The following PRKCE variants were observed in gnomAD, a reference collection of about 807,000 sequenced individuals.
PRKCE encodes protein kinase C epsilon type.
A neutral mutation model predicts 85.4 loss-of-function variants in PRKCE; 16 were observed. The observed-to-expected ratio is 0.19, with a 90% CI of 0.13 to 0.28. The LOEUF is 0.28. PRKCE is among the 10% of genes least tolerant of loss of function. The pLI is 1.00. For synonymous variants in PRKCE, 388 were observed against 371.5 expected (o/e 1.04, Z -0.51); for missense variants, 573 against 975.2 (o/e 0.59, Z 5.49).
chr2:45,896,285 C>T (rs769883550), intron 2 of PRKCE, among the ~76,000 whole-genome samples: 14 of 152,188 alleles, frequency 9.2e-5, no homozygotes, highest in South Asian at 4.1e-4. Flanking sequence ...AGTCTGGCCT[C>T]GAACTCTGGA....
intron 11 of PRKCE, among the ~76,000 whole-genome samples, chr2:46,131,868 G>A (rs890654750): frequency 1.3e-5 from 2 of 152,150 alleles, no homozygotes; most frequent in African/African-American, 4.8e-5. Flanking sequence ...CAGGTTTGAG[G>A]TTTACAGTTA....
At chr2:46,069,988 C>G (rs1406304400) in intron 10 of PRKCE, among the ~76,000 whole-genome samples, 1 of 152,216 alleles carries the variant, frequency 6.6e-6, no homozygotes, top group Non-Finnish European at 1.5e-5. Flanking sequence ...ATGGTGTTCA[C>G]TTCTGCTGTT....
intron 10 of PRKCE, among the ~76,000 whole-genome samples, chr2:46,014,850 G>T (rs2104828143): frequency 6.6e-6 from 1 of 152,340 alleles, no homozygotes; most frequent in Non-Finnish European, 1.5e-5. Flanking sequence ...GTAAAGACAT[G>T]GCTGCTGAAA....
At chr2:45,970,767 A>C (rs926693965) in intron 2 of PRKCE, among the ~76,000 whole-genome samples, 5 of 151,926 alleles carry the variant, frequency 3.3e-5, no homozygotes, top group African/African-American at 1.2e-4. Flanking sequence ...TGTTCTTAGG[A>C]GATAAAGACT....
intron 1 of PRKCE, among the ~76,000 whole-genome samples, chr2:45,726,725 T>C (rs987682169): frequency 2.0e-5 from 3 of 152,184 alleles, no homozygotes; most frequent in African/African-American, 7.2e-5. Context: ...TTCTAAAAAA[T>C]ATTGCTGATT....
At chr2:46,069,806 A>G (rs1667920670) in intron 10 of PRKCE, among the ~76,000 whole-genome samples, 1 of 152,240 alleles carries the variant, frequency 6.6e-6, no homozygotes, top group African/African-American at 2.4e-5. Context: ...AGATGTTAGG[A>G]TTGCTATTCC....
intron 10 of PRKCE, among the ~76,000 whole-genome samples, chr2:46,032,010 G>C (rs1163393251): frequency 6.6e-6 from 1 of 152,124 alleles, no homozygotes; most frequent in East Asian, 1.9e-4. Flanking sequence ...TAAACTTCCA[G>C]CAAATATTAA....
intron 1 of PRKCE, among the ~76,000 whole-genome samples, chr2:45,799,524 A>G (rs931962142): frequency 7.2e-5 from 11 of 152,336 alleles, no homozygotes; most frequent in African/African-American, 2.4e-4. Flanking sequence ...GTGAATAACC[A>G]CTGCACTCTA....
At chr2:45,770,367 C>T (rs1274292197) in intron 1 of PRKCE, among the ~76,000 whole-genome samples, 1 of 152,212 alleles carries the variant, frequency 6.6e-6, no homozygotes, top group Non-Finnish European at 1.5e-5. Flanking sequence ...TGTCACTCTT[C>T]TGTTTCAAAA....
At chr2:46,023,259 C>T (rs1182013317) in intron 10 of PRKCE, among the ~76,000 whole-genome samples, 1 of 152,076 alleles carries the variant, frequency 6.6e-6, no homozygotes, top group African/African-American at 2.4e-5. Flanking sequence ...AGGTTTGACC[C>T]CTGGCACACT....
chr2:46,101,458 T>A (rs530228877), intron 11 of PRKCE, among the ~76,000 whole-genome samples: 1 of 152,170 alleles, frequency 6.6e-6, no homozygotes, highest in Non-Finnish European at 1.5e-5. Flanking sequence ...GGGAATAGCA[T>A]GTGCAAAGGC....
rs1177237882 is a variant in PRKCE, at chr2:46,184,685, T to C, written c.2068-50T>C. The C allele has an allele frequency of 6.3e-7, 1 of 1,585,664 alleles. No homozygotes were observed. Among genetic ancestry groups the C allele is most frequent in the Non-Finnish European group, 8.5e-7 (1 of 1,173,200 alleles). On this transcript the variant is annotated intron_variant, in intron 14 of 14. Coordinates refer to ENST00000306156, the MANE Select transcript of PRKCE (RefSeq NM_005400.3). The surrounding 1 kb of genome is among the most constrained non-coding windows in gnomAD (Gnocchi z 5.0). Reference sequence around the variant, plus strand: ...GGTGCCCACTCCCCATGGGGGGCCCTCAGGAGGGAGAGCAGCCTCAACTCA... The same window carrying C: ...GGTGCCCACTCCCCATGGGGGGCCCCCAGGAGGGAGAGCAGCCTCAACTCA...
At chr2:45,769,410 C>T (rs2104897439) in intron 1 of PRKCE, among the ~76,000 whole-genome samples, 2 of 152,144 alleles carry the variant, frequency 1.3e-5, no homozygotes, top group East Asian at 3.9e-4. Flanking sequence ...TGTGTATGTA[C>T]ATATCTGCAT....
At chr2:45,724,453 C>T (rs1345957566) in intron 1 of PRKCE, among the ~76,000 whole-genome samples, 1 of 152,166 alleles carries the variant, frequency 6.6e-6, no homozygotes, top group Non-Finnish European at 1.5e-5. Flanking sequence ...AATAACCCTA[C>T]AATGACCTCT....
intron 1 of PRKCE, among the ~76,000 whole-genome samples, chr2:45,732,924 C>G (rs887441221): frequency 1.3e-5 from 2 of 152,142 alleles, no homozygotes; most frequent in Non-Finnish European, 2.9e-5. Flanking sequence ...TGTCCTAGAT[C>G]AAGGGTCGAC....
At chr2:46,174,751 T>A (rs1352005936) in intron 14 of PRKCE, among the ~76,000 whole-genome samples, 1 of 152,176 alleles carries the variant, frequency 6.6e-6, no homozygotes, top group Non-Finnish European at 1.5e-5. Context: ...GGCAGTGATA[T>A]GATCTTGGCT....
chr2:46,006,321 T>C (rs1327222600), intron 8 of PRKCE, among the ~76,000 whole-genome samples: 1 of 152,244 alleles, frequency 6.6e-6, no homozygotes, highest in African/African-American at 2.4e-5. Context: ...AGATTAAAAG[T>C]TATTTAGTCA....
chr2:45,969,134 G>T (rs1338886123), intron 2 of PRKCE, among the ~76,000 whole-genome samples: 1 of 151,452 alleles, frequency 6.6e-6, no homozygotes, highest in African/African-American at 2.4e-5. Context: ...TGTTGTTGGA[G>T]GTTGGGGTTA....
intron 2 of PRKCE, among the ~76,000 whole-genome samples, chr2:45,919,056 C>G (rs983473135): frequency 6.6e-6 from 1 of 152,076 alleles, no homozygotes; most frequent in Non-Finnish European, 1.5e-5. Context: ...GGCCAGCCCA[C>G]GTGGGCTGGA....
Sources: gnomAD v4.1 joint callset for allele counts (sites outside exome capture counted in the v4.1 genomes callset) on GRCh38, gnomAD v4.1.1 for gene constraint, Gnocchi (gnomAD v3.1) non-coding constraint, MANE v1.5 for transcripts, NCBI Gene and HGNC (gene_info 2026-07-23, HGNC 2026-07-21) for gene names.